Variants in GALNT18 observed in about 807,000 individuals in gnomAD.
GALNT18 encodes the protein GalNAc-transferase 18.
A neutral mutation model predicts 69.5 loss-of-function variants in GALNT18; 44 were observed. The ratio of observed to expected loss-of-function variants is 0.63; its 90% CI spans 0.50 to 0.81. The LOEUF (loss-of-function observed/expected upper bound fraction) is 0.81, where lower values mean the gene tolerates loss of function less well. GALNT18 is among the 40% of genes least tolerant of loss of function. The probability of loss-of-function intolerance (pLI) is 0.00; values close to 1 mark genes in which losing one functional copy is unlikely to be tolerated. For missense variants in GALNT18, 715 were observed against 810.0 expected (o/e 0.88, Z 1.42); for synonymous variants, 364 against 318.2 (o/e 1.14, Z -1.53).
In GALNT18 at chr11:11,404,100, G is replaced by A. The variant is rs1854531821; in HGVS notation, c.596-24836C>T. Among the ~76,000 whole-genome samples, 1 of 152,232 alleles carries A rather than the reference G, an allele frequency of 6.6e-6. No homozygotes were observed. The highest frequency in any genetic ancestry group is 6.5e-5 in the Admixed American group (1 of 15,290). On this transcript the variant is annotated intron_variant, in intron 3 of 10. Transcript: ENST00000227756. This position sits in a 1 kb window ranked among gnomAD's most constrained non-coding sequence, Gnocchi z 4.5. ...ATGAGCGAATGCCCCGCCACTTGCTGGCAGCAGGAGGAGAGCATTCCCATG... is the reference window on the plus strand; with the variant it reads ...ATGAGCGAATGCCCCGCCACTTGCTAGCAGCAGGAGGAGAGCATTCCCATG...
chr11:11,491,562 A>T (rs190156613), intron 1 of GALNT18, among the ~76,000 whole-genome samples: 2 of 152,384 alleles, frequency 1.3e-5, no homozygotes, highest in Admixed American at 6.5e-5. Flanking sequence ...CCTAAAGCAG[A>T]TCTAAAACCT....
intron 3 of GALNT18, among the ~76,000 whole-genome samples, chr11:11,418,537 A>C (rs1854918910): frequency 6.6e-6 from 1 of 152,178 alleles, no homozygotes; most frequent in Admixed American, 6.5e-5. Flanking sequence ...GCCCTCCCAG[A>C]GTGACTGAGA....
At chr11:11,607,034 T>C (rs564585569) in intron 1 of GALNT18, among the ~76,000 whole-genome samples, 11 of 152,352 alleles carry the variant, frequency 7.2e-5, no homozygotes, top group African/African-American at 2.6e-4. Context: ...CCCTTCTTTG[T>C]TGATATGTGA....
intron 1 of GALNT18, among the ~76,000 whole-genome samples, chr11:11,571,679 C>A (rs919972925): frequency 6.6e-6 from 1 of 152,262 alleles, no homozygotes; most frequent in East Asian, 1.9e-4. Flanking sequence ...AATATTTTGA[C>A]AAAGGATGTT....
chr11:11,328,985 C>T (rs1275604569), intron 8 of GALNT18, among the ~76,000 whole-genome samples: 1 of 151,378 alleles, frequency 6.6e-6, no homozygotes, highest in Non-Finnish European at 1.5e-5. Flanking sequence ...GCCATTCCTT[C>T]CCCCACCCCC....
intron 7 of GALNT18, among the ~76,000 whole-genome samples, chr11:11,333,759 A>G (rs1056910494): frequency 6.6e-6 from 1 of 152,160 alleles, no homozygotes; most frequent in African/African-American, 2.4e-5. Flanking sequence ...GATTGTGTCC[A>G]GGAGTGAGAA....
chr11:11,615,194 G>A (rs1463771626), intron 1 of GALNT18, among the ~76,000 whole-genome samples: 5 of 152,174 alleles, frequency 3.3e-5, no homozygotes, highest in African/African-American at 1.2e-4. Flanking sequence ...CCAAGTCAAA[G>A]CTCAGATGAG....
At chr11:11,405,562 T>G (rs1196994056) in intron 3 of GALNT18, among the ~76,000 whole-genome samples, 1 of 152,120 alleles carries the variant, frequency 6.6e-6, no homozygotes. Flanking sequence ...GAGAACCACA[T>G]AGAAGCAAGA....
chr11:11,530,583 A>G (rs1564996785), intron 1 of GALNT18, among the ~76,000 whole-genome samples: 1 of 152,208 alleles, frequency 6.6e-6, no homozygotes. Flanking sequence ...GGAAAAGGAA[A>G]GGCAGGCAAA....
chr11:11,439,628 T>C lies in GALNT18; in HGVS notation c.429-6841A>G, dbSNP rs1855491146. Among the ~76,000 whole-genome samples, 1 of 152,262 alleles carries C rather than the reference T, an allele frequency of 6.6e-6. No homozygotes were observed. The highest frequency in any genetic ancestry group is 1.5e-5 in the Non-Finnish European group (1 of 68,044). The stretch of plus-strand genomic sequence containing the variant: ...AGCTGTACAAGGTTAGGGCCGTGTC[T>C]GCTTTGCTCATCAGGTATCCCTAAT... On this transcript the variant is annotated intron_variant, in intron 2 of 10. Coordinates refer to ENST00000227756, the MANE Select transcript of GALNT18 (RefSeq NM_198516.3). The surrounding 1 kb of genome is among the most constrained non-coding windows in gnomAD (Gnocchi z 4.4).
At chr11:11,297,573 C>G (rs538358400) in intron 9 of GALNT18, among the ~76,000 whole-genome samples, 1 of 152,238 alleles carries the variant, frequency 6.6e-6, no homozygotes, top group East Asian at 1.9e-4. Flanking sequence ...GAGAGGACTT[C>G]CACTGTGATC....
chr11:11,570,899 T>A (rs1322262750), intron 1 of GALNT18, among the ~76,000 whole-genome samples: 1 of 152,184 alleles, frequency 6.6e-6, no homozygotes, highest in Non-Finnish European at 1.5e-5. Context: ...ACATCTTCCC[T>A]CTTACCAACC....
intron 1 of GALNT18, among the ~76,000 whole-genome samples, chr11:11,474,210 A>G (rs1856337935): frequency 1.3e-5 from 2 of 152,270 alleles, no homozygotes; most frequent in Non-Finnish European, 2.9e-5. Context: ...AGTGGTCAAC[A>G]CAGGTCATAG....
chr11:11,609,195 C>A (rs1433886715), intron 1 of GALNT18, among the ~76,000 whole-genome samples: 1 of 152,204 alleles, frequency 6.6e-6, no homozygotes, highest in African/African-American at 2.4e-5. Context: ...GGTAGCTCCC[C>A]AGTCCTTCCA....
intron 9 of GALNT18, among the ~76,000 whole-genome samples, chr11:11,322,363 C>T (rs909402585): frequency 1.3e-5 from 2 of 152,186 alleles, no homozygotes; most frequent in Admixed American, 6.5e-5. Flanking sequence ...GCAGCCTCTG[C>T]TCAGGCCAAC....
At chr11:11,308,654 C>A (rs1024971294) in intron 9 of GALNT18, among the ~76,000 whole-genome samples, 5 of 152,174 alleles carry the variant, frequency 3.3e-5, no homozygotes, top group African/African-American at 1.2e-4. Context: ...TCCCCTGGTG[C>A]CTCTTCTACA....
chr11:11,278,796 G>C (rs1395432541), intron 10 of GALNT18, among the ~76,000 whole-genome samples: 1 of 152,028 alleles, frequency 6.6e-6, no homozygotes, highest in East Asian at 1.9e-4. Context: ...TAATGCAACA[G>C]GGTAACTATA....
chr11:11,555,504 C>A lies in GALNT18; in HGVS notation c.235+65855G>T, dbSNP rs1034506894. On this transcript the variant is annotated intron_variant, in intron 1 of 10. Transcript: ENST00000227756. The surrounding 1 kb of genome is among the most constrained non-coding windows in gnomAD (Gnocchi z 4.7). Reference sequence around the variant, plus strand: ...CTCCTGTGACAAAGCTCTCCTGGGCCCTGGCTACTGACTTTAACCTGGCTT... The same window carrying A: ...CTCCTGTGACAAAGCTCTCCTGGGCACTGGCTACTGACTTTAACCTGGCTT... 7.2e-5 allele frequency among the ~76,000 whole-genome samples: 11 copies of A among 152,184 alleles called. No homozygotes were observed. The highest frequency in any genetic ancestry group is 2.7e-4 in the African/African-American group (11 of 41,444).
At chr11:11,565,802 A>C (rs1858635982) in intron 1 of GALNT18, among the ~76,000 whole-genome samples, 1 of 152,224 alleles carries the variant, frequency 6.6e-6, no homozygotes. Flanking sequence ...GGGAGCTTAG[A>C]CAACCAGATG....
Sources: allele counts gnomAD v4.1 joint callset (sites outside exome capture counted in the v4.1 genomes callset), GRCh38; gene constraint gnomAD v4.1.1; non-coding constraint Gnocchi (gnomAD v3.1); transcripts MANE v1.5; gene names NCBI Gene and HGNC (gene_info 2026-07-23, HGNC 2026-07-21).